PPP2R5C: variants seen among roughly 807,000 people sequenced by gnomAD.
PPP2R5C encodes protein phosphatase 2 regulatory subunit B'gamma.
PPP2R5C carries 7 observed loss-of-function variants against 68.9 expected under a neutral mutation model. The observed-to-expected ratio is 0.10, with a 90% CI of 0.06 to 0.19. The LOEUF is 0.19. Ranked by LOEUF, PPP2R5C falls within the 10% of genes least tolerant of loss-of-function variation. The pLI is 1.00. For missense variants in PPP2R5C, 348 were observed against 641.3 expected (o/e 0.54, Z 4.94); for synonymous variants, 210 against 222.2 (o/e 0.95, Z 0.49).
intron 2 of PPP2R5C, among the ~76,000 whole-genome samples, chr14:101,763,956 G>A (rs995042939): frequency 1.3e-5 from 2 of 152,010 alleles, no homozygotes; most frequent in Non-Finnish European, 2.9e-5. Flanking sequence ...AATAATGTTG[G>A]TATTTGAAAA....
chr14:101,847,235 AT>A (rs1203216064), intron 1 of PPP2R5C, among the ~76,000 whole-genome samples: 1 of 152,240 alleles, frequency 6.6e-6, no homozygotes, highest in Non-Finnish European at 1.5e-5. Context: ...ATAATTAAGC[AT>A]CCAGTATGAT....
intron 1 of PPP2R5C, among the ~76,000 whole-genome samples, chr14:101,833,046 C>T (rs1406377358): frequency 6.6e-6 from 1 of 152,218 alleles, no homozygotes; most frequent in Non-Finnish European, 1.5e-5. Context: ...CAGTCATGTC[C>T]ACACTGGCAG....
At chr14:101,779,127 G>A (rs2037555805) in intron 2 of PPP2R5C, among the ~76,000 whole-genome samples, 1 of 152,206 alleles carries the variant, frequency 6.6e-6, no homozygotes, top group Non-Finnish European at 1.5e-5. Context: ...GGGAGGACAA[G>A]TAGTTTGGTA....
rs1566968221 is a variant in PPP2R5C at position 101,915,341 on chromosome 14, G to C, written c.1327-2490G>C. On this transcript the variant is annotated intron_variant, in intron 12 of 13. Transcript: ENST00000334743. The surrounding 1 kb of genome is among the most constrained non-coding windows in gnomAD (Gnocchi z 4.2). ...GTGATCTACCTGCCTCGGCCTCCCA[G>C]AGTGCTGGGATTACAGGTGTGAGCC... 6.6e-6 allele frequency among the ~76,000 whole-genome samples: 1 copy of C among 152,116 alleles called. No individual in the cohort carries two copies. Among genetic ancestry groups the C allele is most frequent in the African/African-American group, 2.4e-5 (1 of 41,410 alleles).
chr14:101,919,981 A>AAACAAAAAAC (rs2046922365), intron 13 of PPP2R5C, among the ~76,000 whole-genome samples: 1 of 140,620 alleles, frequency 7.1e-6, no homozygotes, highest in Non-Finnish European at 1.5e-5. Flanking sequence ...AAAAAAAAAA[A>AAACAAAAAAC]AAAAAAAAAA....
rs2044225464 is a variant in PPP2R5C at position 101,882,500 on chromosome 14, A to G, written c.405+229A>G. On this transcript the variant is annotated intron_variant, in intron 3 of 13. Coordinates refer to ENST00000334743, the Ensembl canonical transcript of PPP2R5C. This position sits in a 1 kb window ranked among gnomAD's most constrained non-coding sequence, Gnocchi z 4.9. ...GATGTGTAATTGTGAGTATGTTCTC[A>G]GTGAAGATGGCCGCTGTGTTGATGG... 7.6e-6 allele frequency: 3 copies of G among 396,318 alleles called. No homozygotes were observed. In the East Asian group the frequency reaches 1.2e-4, roughly 16 times the overall value. The allele number at this position is 396,318 out of a possible 1,614,324, so 24.6% of individuals were successfully genotyped here.
intron 5 of PPP2R5C, among the ~76,000 whole-genome samples, chr14:101,887,523 G>A (rs77884521): frequency 0.022 from 3,319 of 152,318 alleles, 43 homozygotes; most frequent in African/African-American, 0.041. Context: ...GTTCTGCTCC[G>A]TGGCGTGTGC....
chr14:101,829,749 A>G (rs755606633), intron 1 of PPP2R5C, among the ~76,000 whole-genome samples: 6 of 152,242 alleles, frequency 3.9e-5, no homozygotes, highest in South Asian at 2.1e-4. Context: ...GGTGCCCGCA[A>G]TCAGACATCC....
At chr14:101,890,675 ATTAC>A (rs956196683) in intron 6 of PPP2R5C, among the ~76,000 whole-genome samples, 142 of 151,756 alleles carry the variant, frequency 9.4e-4, no homozygotes, top group Admixed American at 4.9e-3. Context: ...AATATTTTTA[ATTAC>A]TTCAGTTTTT....
Position 101,888,465 on chromosome 14 carries a change from C to T in PPP2R5C, c.630-1772C>T, listed in dbSNP as rs963988668. Among the ~76,000 whole-genome samples the T allele has an allele frequency of 6.6e-5, 10 of 152,008 alleles. No homozygotes were observed. The highest frequency in any genetic ancestry group is 6.6e-5 in the Admixed American group (1 of 15,254). On this transcript the variant is annotated intron_variant, in intron 5 of 13. Transcript: ENST00000334743. This position sits in a 1 kb window ranked among gnomAD's most constrained non-coding sequence, Gnocchi z 5.6. ...ACGGCACTGAGCTCTGCCCTGGTAA[C>T]GTCCCTCCCTCCCTCTTAGGCTTTG...
In PPP2R5C at chr14:101,800,390, C is replaced by A. The variant is rs184902126; in HGVS notation, c.259+14207C>A. ...CAGCCTGGGCAACAAGGCGAAACCC[C>A]GTGTCTACTAAAAGTTCAAAAAATT... On this transcript the variant is annotated intron_variant, in intron 3 of 14. Coordinates refer to the PPP2R5C transcript ENST00000328724. 6.6e-5 allele frequency among the ~76,000 whole-genome samples: 10 copies of A among 152,000 alleles called. No homozygotes were observed. In the East Asian group the frequency reaches 1.9e-3, roughly 30 times the overall value.
At chr14:101,769,259 G>C (rs2037026192) in intron 2 of PPP2R5C, among the ~76,000 whole-genome samples, 1 of 152,202 alleles carries the variant, frequency 6.6e-6, no homozygotes, top group Non-Finnish European at 1.5e-5. Context: ...GCGGCTGGCT[G>C]TATGCAGTTC....
intron 2 of PPP2R5C, among the ~76,000 whole-genome samples, chr14:101,860,156 A>C (rs915556909): frequency 6.6e-6 from 1 of 152,120 alleles, no homozygotes. Context: ...CATCCCCTCA[A>C]AAAGAAATCC....
chr14:101,898,394 C>T (rs1189109643), intron 8 of PPP2R5C, among the ~76,000 whole-genome samples: 1 of 152,184 alleles, frequency 6.6e-6, no homozygotes, highest in African/African-American at 2.4e-5. Context: ...CTGACCCTAA[C>T]CTTCTCCACC....
At chr14:101,857,132 C>T (rs1448274325) in intron 2 of PPP2R5C, among the ~76,000 whole-genome samples, 1 of 152,252 alleles carries the variant, frequency 6.6e-6, no homozygotes, top group Non-Finnish European at 1.5e-5. Flanking sequence ...TTAATCCTCA[C>T]AACTACCCTA....
At position 101,857,760 on chromosome 14, in the gene PPP2R5C, A is replaced by C. The variant is rs564761701; in HGVS notation, c.294+875A>C. Among the ~76,000 whole-genome samples the C allele has an allele frequency of 3.0e-4, 45 of 152,176 alleles. 1 individual carries two copies. The highest frequency in any genetic ancestry group is 9.4e-4 in the African/African-American group (39 of 41,532). ...TCTGCCTTTGAAACTAGTACCCCCC[A>C]CACACACACTTACTGGGGAGTCAGT... is the stretch of plus-strand genomic sequence containing the variant. On this transcript the variant is annotated intron_variant, in intron 2 of 13. Transcript: ENST00000334743.
At chr14:101,820,573 A>G (rs533308407) in intron 1 of PPP2R5C, 13 of 152,370 alleles carry the variant, frequency 8.5e-5, no homozygotes, top group Non-Finnish European at 8.8e-5. Context: ...AGCATAGGCA[A>G]AGAAGAACAT....
intron 11 of PPP2R5C, among the ~76,000 whole-genome samples, chr14:101,910,214 C>T (rs1454065198): frequency 6.6e-6 from 1 of 152,180 alleles, no homozygotes; most frequent in Non-Finnish European, 1.5e-5. Flanking sequence ...ATCTAAGTGA[C>T]AAAGTACTTC....
At chr14:101,793,554 G>A (rs1368658727) in intron 3 of PPP2R5C, among the ~76,000 whole-genome samples, 2 of 152,194 alleles carry the variant, frequency 1.3e-5, no homozygotes, top group African/African-American at 4.8e-5. Context: ...GCACCAGCAG[G>A]AGCAAACCCC....
Sources: allele counts gnomAD v4.1 joint callset (sites outside exome capture counted in the v4.1 genomes callset), GRCh38; gene constraint gnomAD v4.1.1; non-coding constraint Gnocchi (gnomAD v3.1); transcripts MANE v1.5; gene names NCBI Gene and HGNC (gene_info 2026-07-23, HGNC 2026-07-21).